Variants in EFCAB3 observed in about 807,000 individuals in gnomAD.
EFCAB3 encodes EF-hand calcium-binding domain-containing protein 3.
A neutral mutation model predicts 42.2 loss-of-function variants in EFCAB3; 36 were observed. The ratio of observed to expected loss-of-function variants is 0.85; its 90% CI spans 0.65 to 1.13. EFCAB3 has a LOEUF of 1.13. Among genes scored for constraint, EFCAB3 ranks in the 50% most tolerant of loss-of-function variants. The pLI is 0.00. For missense variants in EFCAB3, 418 were observed against 505.1 expected (o/e 0.83, Z 1.65); for synonymous variants, 170 against 172.8 (o/e 0.98, Z 0.13).
At chr17:62,384,156 G>T (rs893172923) in intron 2 of EFCAB3, among the ~76,000 whole-genome samples, 1 of 152,156 alleles carries the variant, frequency 6.6e-6, no homozygotes, top group Non-Finnish European at 1.5e-5. Context: ...GTTAAGCAAA[G>T]ACTAGACAAT....
chr17:62,391,017 A>G (rs762717667), intron 3 of EFCAB3, among the ~76,000 whole-genome samples: 15 of 152,212 alleles, frequency 9.9e-5, no homozygotes, highest in Non-Finnish European at 1.8e-4. Flanking sequence ...TTTGGGTCCA[A>G]TTTGACAAAT....
At chr17:62,408,210 A>C (rs1598020882) in intron 8 of EFCAB3, among the ~76,000 whole-genome samples, 1 of 152,242 alleles carries the variant, frequency 6.6e-6, no homozygotes, top group East Asian at 1.9e-4. Context: ...CTATCATCTA[A>C]AATAGAATTT....
intron 3 of EFCAB3, among the ~76,000 whole-genome samples, chr17:62,390,028 C>T (rs971139100): frequency 5.3e-5 from 8 of 151,896 alleles, no homozygotes; most frequent in African/African-American, 9.7e-5. Context: ...CCTCGTGATC[C>T]ACCCACCTTG....
intron 6 of EFCAB3, among the ~76,000 whole-genome samples, chr17:62,400,788 CT>C (rs869174524): frequency 6.6e-6 from 1 of 152,088 alleles, no homozygotes; most frequent in Non-Finnish European, 1.5e-5. Context: ...TTTCTAGATC[CT>C]TGAGGAATCG....
intron 2 of EFCAB3, among the ~76,000 whole-genome samples, chr17:62,384,765 A>G (rs1371744513): frequency 6.6e-6 from 1 of 152,230 alleles, no homozygotes; most frequent in Non-Finnish European, 1.5e-5. Flanking sequence ...CAACTTAACA[A>G]TGGTTCAACT....
At chr17:62,385,280 C>A (rs1369178792) in intron 2 of EFCAB3, among the ~76,000 whole-genome samples, 3 of 151,842 alleles carry the variant, frequency 2.0e-5, no homozygotes, top group Non-Finnish European at 4.4e-5. Context: ...CTTGTCTCTA[C>A]AAAAAATAAA....
At chr17:62,381,790 A>AGGTT in intron 1 of EFCAB3, 1 of 422,946 alleles carries the variant, frequency 2.4e-6, no homozygotes, top group South Asian at 1.9e-5. Context: ...CGGCTCAACG[A>AGGTT]GGTTATCAGT....
chr17:62,371,103 A>G (rs150070206), intron 1 of EFCAB3, among the ~76,000 whole-genome samples: 1 of 3,832 alleles, frequency 2.6e-4, no homozygotes, highest in South Asian at 3.9e-3. Flanking sequence ...TTAAAAAAAG[A>G]AAAAAAAAAA....
intron 3 of EFCAB3, among the ~76,000 whole-genome samples, chr17:62,388,889 T>C (rs193220722): frequency 4.8e-4 from 73 of 152,366 alleles, no homozygotes; most frequent in African/African-American, 1.8e-3. Context: ...CTTTAAGGTT[T>C]CTAAAGTGCC....
intron 6 of EFCAB3, among the ~76,000 whole-genome samples, chr17:62,403,288 T>G (rs577024158): frequency 3.2e-4 from 49 of 152,306 alleles, no homozygotes; most frequent in African/African-American, 1.1e-3. Flanking sequence ...CCTGTCTATC[T>G]TACCTCCTCA....
chr17:62,394,920 C>A, intron 5 of EFCAB3, 148 bp from the exon 6 acceptor site: 1 of 1,038,184 alleles, frequency 9.6e-7, no homozygotes, highest in Non-Finnish European at 1.3e-6. Context: ...CCAAAATGGC[C>A]TTTCTACCAA....
chr17:62,395,988 A>T (rs1047010764), intron 6 of EFCAB3, among the ~76,000 whole-genome samples: 9 of 152,152 alleles, frequency 5.9e-5, no homozygotes, highest in Non-Finnish European at 1.2e-4. Context: ...AGAATAGAGG[A>T]TGCACAAAAT....
At position 62,397,625 on chromosome 17, in the gene EFCAB3, C is replaced by T. The variant is rs530943038; in HGVS notation, c.488+2437C>T. 1.3e-5 allele frequency: 8 copies of T among 605,726 alleles called. No homozygotes were observed. The Admixed American group carries it at 1.6e-4, about 12-fold the overall frequency. 37.5% of individuals were successfully genotyped at this position (605,726 alleles called of 1,614,324 possible). On this transcript the variant is annotated intron_variant, in intron 6 of 9. Coordinates refer to ENST00000305286, the MANE Select transcript of EFCAB3 (RefSeq NM_173503.4). ...TGCCATCAGGAAGTGTGCCAGCATC[C>T]AGCTGATCAAGAATAGCAAGAAAAT...
chr17:62,392,792 C>T (rs1390477693), intron 4 of EFCAB3, among the ~76,000 whole-genome samples: 1 of 152,084 alleles, frequency 6.6e-6, no homozygotes, highest in Non-Finnish European at 1.5e-5. Context: ...CGCCCGCCAC[C>T]ATGCCCGGCT....
At chr17:62,400,943 C>T (rs1042246280) in intron 6 of EFCAB3, among the ~76,000 whole-genome samples, 4 of 152,070 alleles carry the variant, frequency 2.6e-5, no homozygotes, top group Non-Finnish European at 5.9e-5. Flanking sequence ...TTTTTAATGA[C>T]TTTAATGATT....
intron 4 of EFCAB3, among the ~76,000 whole-genome samples, chr17:62,392,473 A>G (rs942529930): frequency 6.6e-6 from 1 of 152,152 alleles, no homozygotes; most frequent in African/African-American, 2.4e-5. Flanking sequence ...CCTGATGTAC[A>G]AAAGCAGTAA....
chr17:62,393,184 A>ATC (rs560551592), intron 4 of EFCAB3, among the ~76,000 whole-genome samples: 18 of 152,170 alleles, frequency 1.2e-4, no homozygotes, highest in Non-Finnish European at 2.6e-4. Flanking sequence ...AATAATACTC[A>ATC]TCATCCTTCA....
intron 6 of EFCAB3, among the ~76,000 whole-genome samples, chr17:62,403,938 C>T (rs1478386448): frequency 6.6e-6 from 1 of 152,240 alleles, no homozygotes; most frequent in Non-Finnish European, 1.5e-5. Flanking sequence ...GCGAGAGCAG[C>T]TGTGCCCAGC....
chr17:62,381,952 TGAG>T lies in EFCAB3; in HGVS notation c.-17-997_-17-995del, dbSNP rs569415069. 8.0e-4 allele frequency: 241 copies of T among 299,996 alleles called. 2 individuals are homozygous for T. Among genetic ancestry groups the T allele is most frequent in the South Asian group, 4.2e-3 (127 of 29,970 alleles). The allele number at this position is 299,996 out of a possible 1,614,324, so 18.6% of individuals were successfully genotyped here. On this transcript the variant is annotated intron_variant, in intron 1 of 9. Transcript: ENST00000305286. ...ACCCCCGCTGCAGCAGAGGAGAAGA[TGAG>T]GAGGAGGAGGAGGTGTCCAAAGAGT...
Sources: allele counts gnomAD v4.1 joint callset (sites outside exome capture counted in the v4.1 genomes callset), GRCh38; gene constraint gnomAD v4.1.1; transcripts MANE v1.5; gene names NCBI Gene and HGNC (gene_info 2026-07-23, HGNC 2026-07-21).